Variants in SHANK2 observed in about 807,000 individuals in gnomAD.
The protein encoded by SHANK2 is SH3 and multiple ankyrin repeat domains 2, also known as SH3 and multiple ankyrin repeat domains protein 2.
Under a neutral mutation model 133.7 loss-of-function variants are expected in SHANK2, and 43 were observed. That is an observed-to-expected ratio of 0.32 (90% CI 0.25 to 0.41). The LOEUF is 0.41. Ranked by LOEUF, SHANK2 falls within the 10% of genes least tolerant of loss-of-function variation. The pLI, the probability that SHANK2 is intolerant of heterozygous loss-of-function variation, is 1.00. For synonymous variants in SHANK2, 1,017 were observed against 952.8 expected (o/e 1.07, Z -1.24); for missense variants, 1,994 against 2,235.8 (o/e 0.89, Z 2.18).
chr11:70,790,795 G>T (rs141839757), intron 14 of SHANK2, among the ~76,000 whole-genome samples: 2 of 152,324 alleles, frequency 1.3e-5, no homozygotes, highest in East Asian at 3.9e-4. Context: ...GGGACCACAG[G>T]TCCCAGCATC....
chr11:70,486,126 G>A lies in SHANK2; in HGVS notation c.4167C>T (p.Phe1389=). 6.2e-7 allele frequency: 1 copy of A among 1,614,024 alleles called. No homozygotes were observed. The change falls in exon 25 of 26, where the codon TTC becomes TTT. Residue 1389 remains phenylalanine (F), a synonymous_variant. Transcript: ENST00000601538. This position sits in a 1 kb window ranked among gnomAD's most constrained non-coding sequence, Gnocchi z 8.0. ...GSMEEAVILP[F]RIPPPPLASV... Reference sequence around the variant, plus strand: ...ATGCCAGAGGGGGAGGAGGGATGCGGAATGGCAAAATCACCGCCTCTTCCA... The same window carrying A: ...ATGCCAGAGGGGGAGGAGGGATGCGAAATGGCAAAATCACCGCCTCTTCCA...
At chr11:70,528,682 C>G (rs1209162909) in intron 17 of SHANK2, among the ~76,000 whole-genome samples, 1 of 151,976 alleles carries the variant, frequency 6.6e-6, no homozygotes, top group Non-Finnish European at 1.5e-5. Context: ...CTTTACTATG[C>G]CCTGACAAGC....
intron 14 of SHANK2, among the ~76,000 whole-genome samples, chr11:70,781,760 G>A (rs1167785667): frequency 1.2e-5 from 1 of 85,796 alleles, no homozygotes; most frequent in Non-Finnish European, 2.1e-5. Flanking sequence ...ACAGGCCCCA[G>A]TGTGATGTTC....
intron 2 of SHANK2, among the ~76,000 whole-genome samples, chr11:71,215,146 C>T (rs1327411055): frequency 2.0e-5 from 3 of 152,176 alleles, no homozygotes; most frequent in Non-Finnish European, 2.9e-5. Context: ...CAAAACCCCT[C>T]GTGATAGTGC....
chr11:70,533,731 C>T (rs782629758), intron 17 of SHANK2, among the ~76,000 whole-genome samples: 2 of 152,030 alleles, frequency 1.3e-5, no homozygotes, highest in Non-Finnish European at 2.9e-5. Flanking sequence ...GTGCAAGCAC[C>T]ACCTCTAGTT....
intron 2 of SHANK2, among the ~76,000 whole-genome samples, chr11:71,182,493 C>T (rs1384459565): frequency 6.6e-6 from 1 of 152,174 alleles, no homozygotes; most frequent in African/African-American, 2.4e-5. Flanking sequence ...GCATCTGCTC[C>T]AGGCCTGTCC....
At chr11:71,085,656 AT>A (rs1951377948) in intron 8 of SHANK2, among the ~76,000 whole-genome samples, 1 of 13,994 alleles carries the variant, frequency 7.1e-5, no homozygotes, top group East Asian at 1.2e-3. Context: ...TATGTTATAT[AT>A]TATATTATAT....
chr11:71,079,907 GAGGGGAAGGAAGGGGAGGGA>G (rs1565438996), intron 8 of SHANK2, among the ~76,000 whole-genome samples: 3 of 88,354 alleles, frequency 3.4e-5, no homozygotes, highest in Non-Finnish European at 2.4e-5. Flanking sequence ...AAGGGGAGGG[GAGGGGAAGGAAGGGGAGGGA>G]AGGAGAGGAG....
At chr11:70,904,233 G>C (rs183669902) in intron 10 of SHANK2, among the ~76,000 whole-genome samples, 5 of 152,300 alleles carry the variant, frequency 3.3e-5, no homozygotes, top group African/African-American at 9.6e-5. Flanking sequence ...TCATGCCAAA[G>C]GACAGTGCTC....
chr11:70,744,400 T>C (rs1487708285), intron 14 of SHANK2, among the ~76,000 whole-genome samples: 1 of 152,098 alleles, frequency 6.6e-6, no homozygotes, highest in African/African-American at 2.4e-5. Flanking sequence ...CTAAGCACCC[T>C]CTCTGCGCTC....
In SHANK2 at chr11:70,569,770, C is replaced by T. The variant is rs554204987; in HGVS notation, c.2062-66839G>A. On this transcript the variant is annotated intron_variant, in intron 17 of 25. Transcript: ENST00000601538. This position sits in a 1 kb window ranked among gnomAD's most constrained non-coding sequence, Gnocchi z 5.1. ...CTACTGGGGAAGATGCTCTCCTGTC[C>T]CTGGGGGGCTGTGATGCTGGCAGAT... Among the ~76,000 whole-genome samples the T allele has an allele frequency of 4.5e-4, 68 of 152,186 alleles. No homozygotes were observed. In the East Asian group the frequency reaches 0.012, roughly 28 times the overall value.
chr11:70,735,443 T>C (rs1379377943), intron 14 of SHANK2, among the ~76,000 whole-genome samples: 2 of 152,026 alleles, frequency 1.3e-5, no homozygotes, highest in Non-Finnish European at 2.9e-5. Flanking sequence ...TGGTGGCTCA[T>C]GCCTGTAATC....
chr11:70,810,735 C>T (rs1299424040), intron 12 of SHANK2, among the ~76,000 whole-genome samples: 1 of 152,138 alleles, frequency 6.6e-6, no homozygotes, highest in African/African-American at 2.4e-5. Context: ...TAGGGCGAAT[C>T]CCCACCACCT....
intron 14 of SHANK2, among the ~76,000 whole-genome samples, chr11:70,768,917 G>A (rs1318953821): frequency 6.6e-6 from 1 of 152,112 alleles, no homozygotes; most frequent in Admixed American, 6.5e-5. Flanking sequence ...CCCACTCCAG[G>A]GGGGTGGGGA....
At chr11:70,589,226 G>A (rs2060291318) in intron 17 of SHANK2, among the ~76,000 whole-genome samples, 1 of 152,170 alleles carries the variant, frequency 6.6e-6, no homozygotes, top group African/African-American at 2.4e-5. Flanking sequence ...CCCTTGTGAG[G>A]GGCTAGTACA....
chr11:71,222,967 G>A (rs1391904772), intron 2 of SHANK2, among the ~76,000 whole-genome samples: 1 of 152,256 alleles, frequency 6.6e-6, no homozygotes, highest in African/African-American at 2.4e-5. Flanking sequence ...GGGAAGGCAG[G>A]AGCACCCTCC....
At chr11:71,192,351 C>T (rs1953810533) in intron 2 of SHANK2, among the ~76,000 whole-genome samples, 1 of 152,210 alleles carries the variant, frequency 6.6e-6, no homozygotes, top group Admixed American at 6.5e-5. Flanking sequence ...TTCTTCATGA[C>T]CTGTGGTGAC....
chr11:70,808,830 A>G (rs955757837), intron 12 of SHANK2, among the ~76,000 whole-genome samples: 5 of 152,168 alleles, frequency 3.3e-5, no homozygotes, highest in Non-Finnish European at 5.9e-5. Flanking sequence ...CCTCACTGTG[A>G]GCGTCAGTCA....
chr11:70,779,296 C>T (rs782551751), intron 14 of SHANK2, among the ~76,000 whole-genome samples: 2 of 151,280 alleles, frequency 1.3e-5, no homozygotes, highest in Admixed American at 6.6e-5. Context: ...GAGTCTGCCA[C>T]GGTTGTTTAA....
Sources: allele counts gnomAD v4.1 joint callset (sites outside exome capture counted in the v4.1 genomes callset), GRCh38; gene constraint gnomAD v4.1.1; non-coding constraint Gnocchi (gnomAD v3.1); transcripts MANE v1.5; gene names NCBI Gene and HGNC (gene_info 2026-07-23, HGNC 2026-07-21).